The following KCNH7 variants were observed in gnomAD, a reference collection of about 807,000 sequenced individuals.
KCNH7 encodes potassium voltage-gated channel subfamily H member 7.
Under a neutral mutation model 120.8 loss-of-function variants are expected in KCNH7, and 49 were observed. The observed-to-expected ratio is 0.41, with a 90% CI of 0.32 to 0.51. The LOEUF (loss-of-function observed/expected upper bound fraction) is 0.51. KCNH7 is among the 20% of genes least tolerant of loss of function. The pLI, the probability that KCNH7 is intolerant of heterozygous loss-of-function variation, is 0.38. For synonymous variants in KCNH7, 547 were observed against 516.1 expected, an observed-to-expected ratio of 1.06 and a Z score of -0.81; for missense variants, 1,097 against 1,446.6, an observed-to-expected ratio of 0.76 and a Z score of 3.92.
chr2:162,582,131 G>C (rs990650871), intron 2 of KCNH7, among the ~76,000 whole-genome samples: 1 of 152,046 alleles, frequency 6.6e-6, no homozygotes, highest in African/African-American at 2.4e-5. Context: ...AAAGAGAGGT[G>C]ATTCTAAAAG....
intron 2 of KCNH7, among the ~76,000 whole-genome samples, chr2:162,678,448 A>G (rs1219471408): frequency 6.6e-6 from 1 of 151,428 alleles, no homozygotes; most frequent in African/African-American, 2.4e-5. Flanking sequence ...ATCAACAATA[A>G]AAATATTCTA....
At chr2:162,441,392 A>T (rs1688410696) in intron 7 of KCNH7, among the ~76,000 whole-genome samples, 1 of 152,178 alleles carries the variant, frequency 6.6e-6, no homozygotes, top group Admixed American at 6.5e-5. Context: ...AATCAAACAT[A>T]TTATTATGAT....
intron 2 of KCNH7, among the ~76,000 whole-genome samples, chr2:162,734,332 T>C (rs1273347054): frequency 6.6e-6 from 1 of 152,188 alleles, no homozygotes; most frequent in African/African-American, 2.4e-5. Context: ...ATTAACAATT[T>C]AGAGAACTAT....
chr2:162,581,541 T>C (rs1221092590), intron 2 of KCNH7, among the ~76,000 whole-genome samples: 3 of 152,102 alleles, frequency 2.0e-5, no homozygotes, highest in African/African-American at 7.2e-5. Context: ...GGAGGTTATA[T>C]CACCTGCTTG....
chr2:162,650,586 C>T (rs1386279545), intron 2 of KCNH7, among the ~76,000 whole-genome samples: 1 of 152,186 alleles, frequency 6.6e-6, no homozygotes, highest in Non-Finnish European at 1.5e-5. Context: ...AATGTCACCT[C>T]TTCAGCAAAG....
intron 6 of KCNH7, among the ~76,000 whole-genome samples, chr2:162,493,607 C>G (rs751584486): frequency 6.6e-6 from 1 of 152,150 alleles, no homozygotes; most frequent in African/African-American, 2.4e-5. Flanking sequence ...GAATTAACCA[C>G]GTCACTAACT....
At chr2:162,640,692 T>C (rs1213655846) in intron 2 of KCNH7, among the ~76,000 whole-genome samples, 2 of 151,948 alleles carry the variant, frequency 1.3e-5, no homozygotes, top group African/African-American at 2.4e-5. Context: ...GAAGGAAAAA[T>C]TGACAATTTG....
chr2:162,824,857 G>A (rs1382672892), intron 2 of KCNH7, among the ~76,000 whole-genome samples: 2 of 151,814 alleles, frequency 1.3e-5, no homozygotes, highest in Non-Finnish European at 2.9e-5. Flanking sequence ...TATATATGTA[G>A]AGAGAGAGGG....
chr2:162,730,997 A>C (rs913110488), intron 2 of KCNH7, among the ~76,000 whole-genome samples: 1 of 151,932 alleles, frequency 6.6e-6, no homozygotes, highest in Non-Finnish European at 1.5e-5. Context: ...ATATATAACA[A>C]AGTATAAGAG....
chr2:162,417,265 T>C (rs894786144), intron 9 of KCNH7, among the ~76,000 whole-genome samples: 5 of 152,182 alleles, frequency 3.3e-5, no homozygotes, highest in Admixed American at 1.3e-4. Context: ...GAAAAGAGAC[T>C]TAAAATCATA....
chr2:162,469,778 C>T (rs938530445), intron 6 of KCNH7, among the ~76,000 whole-genome samples: 2 of 152,014 alleles, frequency 1.3e-5, no homozygotes, highest in African/African-American at 4.8e-5. Flanking sequence ...ACTGTGCTGC[C>T]GCCATCTCGG....
intron 2 of KCNH7, among the ~76,000 whole-genome samples, chr2:162,615,015 A>G (rs1303104578): frequency 6.6e-6 from 1 of 152,174 alleles, no homozygotes; most frequent in Non-Finnish European, 1.5e-5. Context: ...TTTAAATGTA[A>G]GACATCGTTC....
intron 6 of KCNH7, among the ~76,000 whole-genome samples, chr2:162,495,031 A>G (rs1690450227): frequency 6.6e-6 from 1 of 152,216 alleles, no homozygotes; most frequent in East Asian, 1.9e-4. Flanking sequence ...CAAAATTTTG[A>G]GCATATTTGT....
intron 2 of KCNH7, among the ~76,000 whole-genome samples, chr2:162,603,265 A>G (rs1448222527): frequency 6.6e-6 from 1 of 152,056 alleles, no homozygotes; most frequent in East Asian, 1.9e-4. Context: ...CAAGAAGATA[A>G]ATTATGACCC....
chr2:162,825,108 G>GT (rs1685237911), intron 2 of KCNH7, among the ~76,000 whole-genome samples: 1 of 151,870 alleles, frequency 6.6e-6, no homozygotes, highest in South Asian at 2.1e-4. Flanking sequence ...TAAAGACTTG[G>GT]TATCAGTTTC....
chr2:162,644,525 G>A (rs530232202), intron 2 of KCNH7, among the ~76,000 whole-genome samples: 1 of 152,248 alleles, frequency 6.6e-6, no homozygotes, highest in South Asian at 2.1e-4. Flanking sequence ...CGGTACTTCA[G>A]TGGTTTGAAA....
chr2:162,601,066 A>G (rs1209945106), intron 2 of KCNH7, among the ~76,000 whole-genome samples: 1 of 152,052 alleles, frequency 6.6e-6, no homozygotes, highest in African/African-American at 2.4e-5. Flanking sequence ...AAGGGGAAAA[A>G]AGGGTAACTC....
chr2:162,733,000 C>A (rs1009309585), intron 2 of KCNH7, among the ~76,000 whole-genome samples: 1 of 152,150 alleles, frequency 6.6e-6, no homozygotes, highest in Admixed American at 6.6e-5. Context: ...GAGCTTGTCT[C>A]GAAAATTTGG....
intron 12 of KCNH7, among the ~76,000 whole-genome samples, chr2:162,387,677 G>A (rs1686615080): frequency 1.3e-5 from 2 of 151,610 alleles, no homozygotes; most frequent in South Asian, 4.1e-4. Context: ...TAGGTGGACA[G>A]TTCGTCTCCT....
Sources: allele counts gnomAD v4.1 joint callset (sites outside exome capture counted in the v4.1 genomes callset), GRCh38; gene constraint gnomAD v4.1.1; transcripts MANE v1.5; gene names NCBI Gene and HGNC (gene_info 2026-07-23, HGNC 2026-07-21).